The following MALRD1 variants were observed in gnomAD, a reference collection of about 807,000 sequenced individuals.
The protein encoded by MALRD1 is MAM and LDL receptor class A domain containing 1, also known as MAM and LDL-receptor class A domain-containing protein 1.
MALRD1 carries 247 observed loss-of-function variants against 242.1 expected under a neutral mutation model. That is an observed-to-expected ratio of 1.02 (90% CI 0.92 to 1.13). MALRD1 has a LOEUF of 1.13. MALRD1 is among the 50% of genes most tolerant of loss of function. The probability of loss-of-function intolerance (pLI) is 0.00; values close to 1 mark genes in which losing one functional copy is unlikely to be tolerated. For synonymous variants in MALRD1, 995 were observed against 866.6 expected (o/e 1.15, Z -2.60); for missense variants, 2,989 against 2,533.1 (o/e 1.18, Z -3.86).
chr10:19,591,713 G>A (rs1837799374), intron 33 of MALRD1, among the ~76,000 whole-genome samples: 1 of 152,048 alleles, frequency 6.6e-6, no homozygotes, highest in African/African-American at 2.4e-5. Flanking sequence ...GACCAGGCTG[G>A]TCTTGAACTC....
chr10:19,465,855 C>A (rs1261141917), intron 29 of MALRD1, among the ~76,000 whole-genome samples: 1 of 152,196 alleles, frequency 6.6e-6, no homozygotes, highest in Admixed American at 6.5e-5. Context: ...ATATCTTTCC[C>A]TGTCTCTGTA....
intron 29 of MALRD1, among the ~76,000 whole-genome samples, chr10:19,453,883 A>AC (rs1835466659): frequency 6.6e-6 from 1 of 151,840 alleles, no homozygotes; most frequent in Admixed American, 6.6e-5. Context: ...TCTGAAAAAA[A>AC]AAAAAATTGA....
At chr10:19,105,490 C>A (rs1035279290) in intron 5 of MALRD1, among the ~76,000 whole-genome samples, 1 of 152,084 alleles carries the variant, frequency 6.6e-6, no homozygotes, top group Middle Eastern at 3.4e-3. Flanking sequence ...ATGCAAAAAT[C>A]TCTTTGACAG....
chr10:19,305,914 T>G (rs1330297446), intron 21 of MALRD1, among the ~76,000 whole-genome samples: 1 of 130,596 alleles, frequency 7.7e-6, no homozygotes, highest in African/African-American at 2.9e-5. Context: ...ATATACTATA[T>G]TATATATTAT....
intron 30 of MALRD1, 89 bp from the exon 31 acceptor site, chr10:19,498,396 G>C (rs1438394560): frequency 3.6e-6 from 4 of 1,110,648 alleles, no homozygotes; most frequent in South Asian, 1.7e-5. Flanking sequence ...AGAATATGCA[G>C]ATACTAATTT....
At position 19,668,455 on chromosome 10, in the gene MALRD1, A is replaced by T. The variant is rs151259008; in HGVS notation, c.6138-23827A>T. The stretch of plus-strand genomic sequence containing the variant: ...CTAGACATCCAGTGATCATTTTTTC[A>T]GGGCTTTAGTCATCAATGCACCCAG... On this transcript the variant is annotated intron_variant, in intron 36 of 39. Coordinates refer to ENST00000454679, the MANE Select transcript of MALRD1 (RefSeq NM_001142308.3). Among the ~76,000 whole-genome samples, 268 of 152,316 alleles carry T rather than the reference A, an allele frequency of 1.8e-3. 1 individual carries two copies. The East Asian group carries it at 0.021, about 12-fold the overall frequency.
intron 14 of MALRD1, among the ~76,000 whole-genome samples, chr10:19,201,163 A>G (rs1236196533): frequency 2.0e-5 from 3 of 152,172 alleles, no homozygotes; most frequent in Non-Finnish European, 4.4e-5. Context: ...ATATGTATAC[A>G]TGTGTGTTGA....
chr10:19,077,445 T>A (rs1031004790), intron 2 of MALRD1, among the ~76,000 whole-genome samples: 1 of 151,988 alleles, frequency 6.6e-6, no homozygotes, highest in Admixed American at 6.6e-5. Context: ...GAAATCTCAA[T>A]AATAGAGACA....
intron 18 of MALRD1, among the ~76,000 whole-genome samples, chr10:19,241,559 C>A (rs937737099): frequency 2.0e-5 from 3 of 151,938 alleles, no homozygotes; most frequent in African/African-American, 7.3e-5. Flanking sequence ...TTTATATCTG[C>A]TGTGAGCTTT....
intron 29 of MALRD1, among the ~76,000 whole-genome samples, chr10:19,472,295 C>A (rs1173959781): frequency 6.6e-6 from 1 of 151,948 alleles, no homozygotes; most frequent in African/African-American, 2.4e-5. Context: ...CTGTTGAGTT[C>A]TGTTTGCTAG....
At chr10:19,726,670 C>T (rs1191899610) in intron 38 of MALRD1, among the ~76,000 whole-genome samples, 1 of 151,948 alleles carries the variant, frequency 6.6e-6, no homozygotes, top group African/African-American at 2.4e-5. Context: ...GCAGTATTCA[C>T]AATAGTGAAA....
chr10:19,567,178 A>G (rs1249111736), intron 32 of MALRD1, among the ~76,000 whole-genome samples: 1 of 152,188 alleles, frequency 6.6e-6, no homozygotes, highest in Non-Finnish European at 1.5e-5. Context: ...TCTAACATAG[A>G]CAAAGTTCTT....
At chr10:19,709,243 TAAAAAAAA>T (rs557818453) in intron 38 of MALRD1, among the ~76,000 whole-genome samples, 1 of 105,972 alleles carries the variant, frequency 9.4e-6, no homozygotes. Flanking sequence ...CCGTCTGTAC[TAAAAAAAA>T]AAAAAAAAAA....
At chr10:19,110,103 A>T (rs1024980633) in intron 5 of MALRD1, among the ~76,000 whole-genome samples, 4 of 151,852 alleles carry the variant, frequency 2.6e-5, no homozygotes, top group Non-Finnish European at 5.9e-5. Context: ...CCCCTGCAAC[A>T]CTCTGGTGCT....
chr10:19,133,973 T>G, intron 9 of MALRD1, 25 bp downstream of exon 9: 1 of 1,128,770 alleles, frequency 8.9e-7, no homozygotes, highest in Non-Finnish European at 1.1e-6. Flanking sequence ...AAAAAAGTAT[T>G]TTTTTATCAT....
intron 29 of MALRD1, among the ~76,000 whole-genome samples, chr10:19,480,847 G>T (rs191482788): frequency 4.6e-5 from 7 of 152,156 alleles, no homozygotes; most frequent in African/African-American, 1.2e-4. Context: ...TGGCGGTTGG[G>T]GGGGATTGGG....
chr10:19,629,704 G>T (rs993788720), intron 36 of MALRD1, among the ~76,000 whole-genome samples: 1 of 152,084 alleles, frequency 6.6e-6, no homozygotes, highest in Admixed American at 6.6e-5. Context: ...CTCAGTGGTG[G>T]CGCTCGAGAG....
intron 29 of MALRD1, among the ~76,000 whole-genome samples, chr10:19,490,061 A>G (rs1361699850): frequency 6.6e-6 from 1 of 152,148 alleles, no homozygotes; most frequent in Non-Finnish European, 1.5e-5. Flanking sequence ...TTTGCTTCCA[A>G]ATTTTAAGCT....
rs141249944 is a variant in MALRD1, at chr10:19,574,358, T to A, written c.5680+6655T>A. 2.6e-3 allele frequency among the ~76,000 whole-genome samples: 401 copies of A among 152,330 alleles called. 2 individuals carry two copies. The highest frequency in any genetic ancestry group is 7.8e-3 in the African/African-American group (326 of 41,582). ...TATGTTGTATGACTAGAGAAATATG[T>A]TGAATGAAGAGATGATTAAGTAAAA... is the stretch of plus-strand genomic sequence containing the variant. On this transcript the variant is annotated intron_variant, in intron 33 of 39. Transcript: ENST00000454679.
Sources: allele counts gnomAD v4.1 joint callset (sites outside exome capture counted in the v4.1 genomes callset), GRCh38; gene constraint gnomAD v4.1.1; transcripts MANE v1.5; gene names NCBI Gene and HGNC (gene_info 2026-07-23, HGNC 2026-07-21).